CCDC7: variants seen among roughly 807,000 people sequenced by gnomAD.
CCDC7 encodes the protein coiled-coil domain-containing protein 7.
Under a neutral mutation model 196.9 loss-of-function variants are expected in CCDC7, and 183 were observed. The observed-to-expected ratio is 0.93, with a 90% CI of 0.82 to 1.05. The LOEUF (loss-of-function observed/expected upper bound fraction) is 1.05, where lower values mean the gene tolerates loss of function less well. Ranked by LOEUF, CCDC7 falls within the 50% of genes least tolerant of loss-of-function variation. The probability of loss-of-function intolerance (pLI) is 0.00; values close to 1 mark genes in which losing one functional copy is unlikely to be tolerated. For missense variants in CCDC7, 1,540 were observed against 1,482.2 expected (o/e 1.04, Z -0.64); for synonymous variants, 525 against 484.6 (o/e 1.08, Z -1.10).
chr10:32,641,453 A>C (rs7921751), intron 20 of CCDC7, among the ~76,000 whole-genome samples: 21,630 of 152,128 alleles, frequency 0.14, 1,886 homozygotes, highest in African/African-American at 0.25. Flanking sequence ...TCGGCTACTG[A>C]GGCTTGTGCA....
At chr10:32,664,243 A>C (rs1460339130) in intron 21 of CCDC7, 82 bp downstream of exon 22, 2 of 378,022 alleles carry the variant, frequency 5.3e-6, no homozygotes, top group Non-Finnish European at 9.4e-6. Flanking sequence ...TACATTCATC[A>C]TGTACTACAT....
chr10:32,492,587 A>G (rs1028311671), intron 9 of CCDC7, among the ~76,000 whole-genome samples: 4 of 152,180 alleles, frequency 2.6e-5, no homozygotes, highest in Non-Finnish European at 5.9e-5. Flanking sequence ...GCCAGCCACA[A>G]AAAAGACAAA....
intron 20 of CCDC7, among the ~76,000 whole-genome samples, chr10:32,636,476 G>C (rs2065665314): frequency 6.6e-6 from 1 of 152,146 alleles, no homozygotes; most frequent in African/African-American, 2.4e-5. Context: ...AGAACATGCG[G>C]TGTTTGGTTT....
chr10:32,483,054 G>C (rs984377607), intron 8 of CCDC7, among the ~76,000 whole-genome samples: 8 of 152,152 alleles, frequency 5.3e-5, no homozygotes, highest in Non-Finnish European at 1.0e-4. Flanking sequence ...TCTAGTTCTA[G>C]ATCCTTGAGG....
At chr10:32,628,010 G>A (rs1051099116) in intron 18 of CCDC7, among the ~76,000 whole-genome samples, 1 of 151,768 alleles carries the variant, frequency 6.6e-6, no homozygotes, top group African/African-American at 2.4e-5. Flanking sequence ...TTTGGTATTA[G>A]GGTAGTAGTG....
At chr10:32,557,509 G>T (rs905698417) in intron 13 of CCDC7, among the ~76,000 whole-genome samples, 1 of 151,776 alleles carries the variant, frequency 6.6e-6, no homozygotes, top group East Asian at 1.9e-4. Flanking sequence ...TCCCACAGTT[G>T]CCTCAGTATC....
intron 18 of CCDC7, among the ~76,000 whole-genome samples, chr10:32,589,988 A>G (rs928004321): frequency 1.3e-5 from 2 of 151,968 alleles, no homozygotes; most frequent in Non-Finnish European, 2.9e-5. Flanking sequence ...CAATCATTGG[A>G]TATTGATTTT....
At chr10:32,588,977 A>T (rs2059545924) in intron 18 of CCDC7, among the ~76,000 whole-genome samples, 1 of 152,148 alleles carries the variant, frequency 6.6e-6, no homozygotes, top group African/African-American at 2.4e-5. Flanking sequence ...TGGGGTATCC[A>T]TCATCTCAAG....
intron 29 of CCDC7, among the ~76,000 whole-genome samples, chr10:32,785,122 A>G (rs1222976323): frequency 6.7e-6 from 1 of 150,278 alleles, no homozygotes; most frequent in Admixed American, 6.6e-5. Context: ...AATATTGCAG[A>G]AAAAAACTAG....
downstream of CCDC7, among the ~76,000 whole-genome samples, chr10:32,881,730 C>T (rs2094797409): frequency 6.6e-6 from 1 of 151,960 alleles, no homozygotes; most frequent in African/African-American, 2.4e-5. Flanking sequence ...ATTTCTTTAC[C>T]CGCCCCCCAC....
intron 18 of CCDC7, among the ~76,000 whole-genome samples, chr10:32,590,154 T>G (rs2059652958): frequency 6.6e-6 from 1 of 152,162 alleles, no homozygotes; most frequent in Admixed American, 6.5e-5. Context: ...TCCCTTTTTG[T>G]CTTCCTTTTA....
At chr10:32,782,212 T>C (rs955661707) in intron 29 of CCDC7, among the ~76,000 whole-genome samples, 1 of 131,632 alleles carries the variant, frequency 7.6e-6, no homozygotes, top group Admixed American at 8.6e-5. Context: ...GATTAGAAGA[T>C]AACTTGTTTT....
chr10:32,637,562 G>A (rs573785057), intron 20 of CCDC7, among the ~76,000 whole-genome samples: 1 of 152,188 alleles, frequency 6.6e-6, no homozygotes, highest in African/African-American at 2.4e-5. Context: ...TTATTTCTGA[G>A]GACTCTATTC....
At chr10:32,480,490 A>G (rs1003935726) in intron 8 of CCDC7, among the ~76,000 whole-genome samples, 1 of 152,002 alleles carries the variant, frequency 6.6e-6, no homozygotes, top group Non-Finnish European at 1.5e-5. Flanking sequence ...CCCAGCTTGA[A>G]TGTAGGTTTT....
At chr10:32,499,482 A>C (rs901139093) in intron 9 of CCDC7, 6 of 152,090 alleles carry the variant, frequency 3.9e-5, no homozygotes, top group African/African-American at 1.4e-4. Context: ...AAGAAACTTG[A>C]CATCCTGATG....
chr10:32,874,615 A>G (rs2094538573), intron 41 of CCDC7, among the ~76,000 whole-genome samples: 1 of 151,514 alleles, frequency 6.6e-6, no homozygotes, highest in Admixed American at 6.6e-5. Flanking sequence ...ACATTATTTC[A>G]TTACTTTTTA....
At chr10:32,576,859 C>T (rs1235271424) in intron 16 of CCDC7, among the ~76,000 whole-genome samples, 1 of 151,974 alleles carries the variant, frequency 6.6e-6, no homozygotes, top group African/African-American at 2.4e-5. Flanking sequence ...CATTGTGTTC[C>T]TTCATAGCGG....
chr10:32,785,807 T>A (rs1035295257), intron 29 of CCDC7, among the ~76,000 whole-genome samples: 1 of 152,202 alleles, frequency 6.6e-6, no homozygotes, highest in Non-Finnish European at 1.5e-5. Flanking sequence ...CATAGTTTGG[T>A]CTCTTACCAT....
chr10:32,505,272 A>T (rs1191376515), intron 9 of CCDC7, among the ~76,000 whole-genome samples: 1 of 151,744 alleles, frequency 6.6e-6, no homozygotes, highest in Non-Finnish European at 1.5e-5. Flanking sequence ...TAGTGGAGAG[A>T]AGGTCACCAG....
Sources: allele counts gnomAD v4.1 joint callset (sites outside exome capture counted in the v4.1 genomes callset), GRCh38; gene constraint gnomAD v4.1.1; transcripts MANE v1.5; gene names NCBI Gene and HGNC (gene_info 2026-07-23, HGNC 2026-07-21).